ANKRD30B: variants seen among roughly 807,000 people sequenced by gnomAD.
The protein encoded by ANKRD30B is ankyrin repeat domain 30B, also known as ankyrin repeat domain-containing protein 30B.
Under a neutral mutation model 202.2 loss-of-function variants are expected in ANKRD30B, and 144 were observed. That is an observed-to-expected ratio of 0.71 (90% CI 0.62 to 0.82). The LOEUF (loss-of-function observed/expected upper bound fraction) is 0.82, where lower values mean the gene tolerates loss of function less well. Ranked by LOEUF, ANKRD30B falls within the 40% of genes least tolerant of loss-of-function variation. ANKRD30B has a pLI of 0.00. For missense variants in ANKRD30B, 1,487 were observed against 1,669.1 expected (o/e 0.89, Z 1.90); for synonymous variants, 508 against 561.3 (o/e 0.91, Z 1.34).
Position 14,836,375 on chromosome 18 carries a change from C to A in ANKRD30B, c.2848-836C>A, listed in dbSNP as rs71350518. 3.3e-5 allele frequency among the ~76,000 whole-genome samples: 5 copies of A among 152,008 alleles called. No individual in the cohort carries two copies. In the South Asian group the frequency reaches 8.3e-4, roughly 25 times the overall value. On this transcript the variant is annotated intron_variant, in intron 34 of 43. Transcript: ENST00000690538. ...CCATGAAATGCTCAAGCACTTCAAC[C>A]GGCACTTCAACCGTCCCCTACATCC...
At chr18:14,868,811 A>G in the ANKRD30B span, among the ~76,000 whole-genome samples, 3 of 152,398 alleles carry the variant, frequency 2.0e-5, no homozygotes, top group Admixed American at 2.0e-4. Flanking sequence ...CGGCAGGCTG[A>G]TTGCTGTAGC....
intron 32 of ANKRD30B, among the ~76,000 whole-genome samples, chr18:14,826,594 T>C (rs535068644): frequency 7.9e-5 from 12 of 151,922 alleles, no homozygotes; most frequent in African/African-American, 1.7e-4. Context: ...CTAAGGGTCA[T>C]GTGTGAGGAA....
chr18:14,817,805 T>A lies in ANKRD30B; in HGVS notation c.2641+3094T>A, dbSNP rs548100600. ...TTTAAAGATATTAATGAATCGAGAATGACCTTCTCATCATAATTAAAGCAG... is the reference window on the plus strand; with the variant it reads ...TTTAAAGATATTAATGAATCGAGAAAGACCTTCTCATCATAATTAAAGCAG... On this transcript the variant is annotated intron_variant, in intron 30 of 43. Coordinates refer to ENST00000690538, the MANE Select transcript of ANKRD30B (RefSeq NM_001367607.2). 7.4e-4 allele frequency among the ~76,000 whole-genome samples: 112 copies of A among 152,340 alleles called. 1 individual carries two copies. The highest frequency in any genetic ancestry group is 1.4e-3 in the Non-Finnish European group (93 of 68,020).
At chr18:14,785,692 C>G (rs573357146) in intron 14 of ANKRD30B, among the ~76,000 whole-genome samples, 1 of 152,158 alleles carries the variant, frequency 6.6e-6, no homozygotes, top group African/African-American at 2.4e-5. Flanking sequence ...AAAATGGTGA[C>G]TTACCAAAGT....
downstream of ANKRD30B, among the ~76,000 whole-genome samples, chr18:14,856,457 G>A (rs543834534): frequency 6.9e-5 from 10 of 145,638 alleles, no homozygotes; most frequent in East Asian, 2.0e-4. Flanking sequence ...CTGCCAGACC[G>A]GGCGGCCGGC....
rs1483218401 is a variant in ANKRD30B at position 14,772,141 on chromosome 18, C to A, written c.1257-15C>A. 1.4e-6 allele frequency: 2 copies of A among 1,456,484 alleles called. No individual in the cohort carries two copies. Among genetic ancestry groups the A allele is most frequent in the South Asian group, 1.4e-5 (1 of 69,138 alleles). 90.2% of individuals were successfully genotyped at this position (1,456,484 alleles called of 1,614,324 possible). A position where few individuals can be genotyped will look rare whatever the true frequency, so the allele number is the denominator to read the frequency against. ...ATGAATTTGCTCATTTATGTTGTAT[C>A]ATTTTTCTTTAAAGTCTTTTTGGCA... On this transcript the variant is annotated splice_polypyrimidine_tract_variant and intron_variant, in intron 8 of 43. Transcript: ENST00000690538.
At chr18:14,827,402 C>T (rs1253901845) in intron 32 of ANKRD30B, among the ~76,000 whole-genome samples, 1 of 152,122 alleles carries the variant, frequency 6.6e-6, no homozygotes, top group Non-Finnish European at 1.5e-5. Flanking sequence ...ATTAAAGAGA[C>T]CCAGATTTGC....
chr18:14,771,120 G>A (rs1966977436), intron 8 of ANKRD30B, among the ~76,000 whole-genome samples: 1 of 152,192 alleles, frequency 6.6e-6, no homozygotes, highest in Admixed American at 6.5e-5. Context: ...GACTGACTGA[G>A]ACTCCATTTC....
At chr18:14,938,876 G>C in the ANKRD30B span, among the ~76,000 whole-genome samples, 1 of 152,186 alleles carries the variant, frequency 6.6e-6, no homozygotes, top group East Asian at 1.9e-4. Context: ...AAGAAGAGCA[G>C]ATTTAGGTTC....
chr18:14,773,241 T>G (rs920138508), intron 9 of ANKRD30B, among the ~76,000 whole-genome samples: 1 of 152,176 alleles, frequency 6.6e-6, no homozygotes, highest in Non-Finnish European at 1.5e-5. Flanking sequence ...ATGGAAGATT[T>G]TGTATTTAGT....
intron 7 of ANKRD30B, among the ~76,000 whole-genome samples, chr18:14,765,487 G>C (rs1915977784): frequency 1.3e-5 from 2 of 151,454 alleles, no homozygotes; most frequent in South Asian, 4.2e-4. Context: ...AAAAGAAAAA[G>C]AAAAAGAAAT....
the ANKRD30B span, among the ~76,000 whole-genome samples, chr18:14,872,215 C>T: frequency 6.6e-6 from 1 of 152,190 alleles, no homozygotes; most frequent in South Asian, 2.1e-4. Flanking sequence ...ATTGTTGGTG[C>T]TGATGGTGAA....
chr18:14,919,602 G>A, the ANKRD30B span, among the ~76,000 whole-genome samples: 1 of 152,316 alleles, frequency 6.6e-6, no homozygotes, highest in South Asian at 2.1e-4. Flanking sequence ...CCCAGCCCTG[G>A]TCCCATGGGG....
In ANKRD30B at chr18:14,763,742, G is replaced by C; in HGVS notation, c.877G>C (p.Asp293His). The change falls in exon 7 of 44, where the codon GAC becomes CAC. Residue 293 changes from aspartate (D) to histidine (H), a missense_variant. Transcript: ENST00000690538. ...TGCACCCTTGGCGGAAAGAACACCT[G>C]ACACGGCTGAAAGCTTGCTGGAAAA... ...EAAPLAERTPDTAESLLEKTP... is the reference protein window; with the variant it reads ...EAAPLAERTPHTAESLLEKTP... The C allele has an allele frequency of 3.1e-6, 5 of 1,614,076 alleles. No homozygotes were observed. Among genetic ancestry groups the C allele is most frequent in the Non-Finnish European group, 4.2e-6 (5 of 1,180,016 alleles).
At chr18:14,883,391 C>CTATA in the ANKRD30B span, 6 of 93,740 alleles carry the variant, frequency 6.4e-5, no homozygotes, top group Admixed American at 1.1e-4. Context: ...CTCTCTCTCT[C>CTATA]TCTCTCTCTA....
At chr18:14,782,079 G>A (rs1234553887) in intron 11 of ANKRD30B, among the ~76,000 whole-genome samples, 2 of 152,134 alleles carry the variant, frequency 1.3e-5, no homozygotes, top group African/African-American at 4.8e-5. Context: ...CTCGGCCTTC[G>A]AAGAAGTTTT....
At chr18:14,778,825 A>G (rs2143838880) in intron 10 of ANKRD30B, among the ~76,000 whole-genome samples, 1 of 152,310 alleles carries the variant, frequency 6.6e-6, no homozygotes, top group African/African-American at 2.4e-5. Flanking sequence ...TCCTTTGGAA[A>G]AATCTGGAAG....
At chr18:14,823,683 G>T (rs2144125249) in intron 32 of ANKRD30B, among the ~76,000 whole-genome samples, 1 of 152,262 alleles carries the variant, frequency 6.6e-6, no homozygotes, top group South Asian at 2.1e-4. Context: ...TTTAAAATAT[G>T]TTACAACAGG....
At chr18:14,868,583 G>T in the ANKRD30B span, among the ~76,000 whole-genome samples, 3 of 152,394 alleles carry the variant, frequency 2.0e-5, no homozygotes, top group East Asian at 5.8e-4. Flanking sequence ...GAACCTCTCA[G>T]GAGGGTGGCT....
Sources: allele counts gnomAD v4.1 joint callset (sites outside exome capture counted in the v4.1 genomes callset), GRCh38; gene constraint gnomAD v4.1.1; transcripts MANE v1.5; gene names NCBI Gene and HGNC (gene_info 2026-07-23, HGNC 2026-07-21).